PMFBP1: variants seen among roughly 807,000 people sequenced by gnomAD.
PMFBP1 encodes polyamine modulated factor 1 binding protein 1, also known as polyamine-modulated factor 1-binding protein 1.
In PMFBP1, 131 loss-of-function variants were observed where a neutral mutation model predicts 137.8. The ratio of observed to expected loss-of-function variants is 0.95; its 90% CI spans 0.82 to 1.10. PMFBP1 has a LOEUF of 1.10. PMFBP1 is among the 50% of genes least tolerant of loss of function. The pLI is 0.00. For missense variants in PMFBP1, 1,199 were observed against 1,175.4 expected (o/e 1.02, Z -0.29); for synonymous variants, 490 against 450.4 (o/e 1.09, Z -1.11).
chr16:72,160,644 T>C (rs1165214651), intron 3 of PMFBP1, among the ~76,000 whole-genome samples: 1 of 152,160 alleles, frequency 6.6e-6, no homozygotes, highest in Non-Finnish European at 1.5e-5. Flanking sequence ...TTTTTCTTTA[T>C]TGAGAAACTT....
At chr16:72,123,398 A>G (rs1287566767) in intron 18 of PMFBP1, 148 bp downstream of exon 18, 3 of 680,128 alleles carry the variant, frequency 4.4e-6, no homozygotes, top group Non-Finnish European at 7.3e-6. Flanking sequence ...CCTCCTCTCC[A>G]TCTTATTTCC....
chr16:72,199,055 G>A, the PMFBP1 span, among the ~76,000 whole-genome samples: 4 of 152,154 alleles, frequency 2.6e-5, no homozygotes, highest in East Asian at 1.9e-4. Flanking sequence ...GTGCTCTTGC[G>A]CTGCCTAGGG....
chr16:72,210,243 A>G, the PMFBP1 span, among the ~76,000 whole-genome samples: 1 of 152,198 alleles, frequency 6.6e-6, no homozygotes, highest in Middle Eastern at 3.2e-3. Flanking sequence ...CTTGTTTGAT[A>G]AAGGAGAAAG....
chr16:72,218,532 C>G, the PMFBP1 span, among the ~76,000 whole-genome samples: 1 of 152,120 alleles, frequency 6.6e-6, no homozygotes, highest in Non-Finnish European at 1.5e-5. Flanking sequence ...CCACCTGCCT[C>G]GGCCTCCCAA....
At chr16:72,204,806 GTGA>G in the PMFBP1 span, among the ~76,000 whole-genome samples, 1 of 152,198 alleles carries the variant, frequency 6.6e-6, no homozygotes, top group Non-Finnish European at 1.5e-5. Context: ...AAAACTTTCT[GTGA>G]TGATGAAGAT....
chr16:72,153,961 C>CA, intron 4 of PMFBP1, among the ~76,000 whole-genome samples: 1 of 131,732 alleles, frequency 7.6e-6, no homozygotes, highest in Non-Finnish European at 1.6e-5. Context: ...CACACACACA[C>CA]ATGCCTGCAC....
At chr16:72,241,409 AC>A in the PMFBP1 span, among the ~76,000 whole-genome samples, 2 of 152,208 alleles carry the variant, frequency 1.3e-5, no homozygotes, top group Non-Finnish European at 2.9e-5. Flanking sequence ...TCCTTCAGCT[AC>A]CCTACTATTT....
At chr16:72,242,156 C>T in the PMFBP1 span, among the ~76,000 whole-genome samples, 1 of 152,162 alleles carries the variant, frequency 6.6e-6, no homozygotes, top group South Asian at 2.1e-4. Flanking sequence ...CCTTGATTAT[C>T]AGACATTAAA....
At chr16:72,207,442 T>C in the PMFBP1 span, among the ~76,000 whole-genome samples, 1 of 152,004 alleles carries the variant, frequency 6.6e-6, no homozygotes, top group Non-Finnish European at 1.5e-5. Flanking sequence ...TTAGGAGAGA[T>C]AGGGGCACTA....
At position 72,126,148 on chromosome 16, in the gene PMFBP1, G is replaced by T. The variant is rs754604433; in HGVS notation, c.2089-16C>A. The T allele has an allele frequency of 6.2e-7, 1 of 1,612,922 alleles. No individual in the cohort carries two copies. The highest frequency in any genetic ancestry group is 8.5e-7 in the Non-Finnish European group (1 of 1,179,512). ...GAAGGGCTATCTTTAAGGAGGGAGA[G>T]CAGAACTGTCAGGGTGCCAGGTCAG... On this transcript the variant is annotated splice_polypyrimidine_tract_variant and intron_variant, in intron 14 of 20. Coordinates refer to ENST00000237353, the MANE Select transcript of PMFBP1 (RefSeq NM_031293.3).
At position 72,124,735 on chromosome 16, in the gene PMFBP1, G is replaced by C. The variant is rs377379821; in HGVS notation, c.2589+32C>G. 3.7e-6 allele frequency: 6 copies of C among 1,603,568 alleles called. No homozygotes were observed. The African/African-American group carries it at 5.3e-5, about 14-fold the overall frequency. ...CATAGGATGTGCCTGGAGGCACTGAGAGGAGGCACGCAGAAGCCAAGGCAT... is the reference window on the plus strand; with the variant it reads ...CATAGGATGTGCCTGGAGGCACTGACAGGAGGCACGCAGAAGCCAAGGCAT... On this transcript the variant is annotated intron_variant, in intron 17 of 20. Coordinates refer to ENST00000237353, the MANE Select transcript of PMFBP1 (RefSeq NM_031293.3).
chr16:72,142,410 A>G (rs968549819), intron 5 of PMFBP1, among the ~76,000 whole-genome samples: 1 of 152,224 alleles, frequency 6.6e-6, no homozygotes, highest in African/African-American at 2.4e-5. Flanking sequence ...TTAACACCCC[A>G]AGCCTAAAAA....
chr16:72,148,138 A>G (rs1424830794), intron 5 of PMFBP1, among the ~76,000 whole-genome samples: 3 of 152,180 alleles, frequency 2.0e-5, no homozygotes. Flanking sequence ...CCAGCAGTGT[A>G]GGCCGGATAA....
the PMFBP1 span, among the ~76,000 whole-genome samples, chr16:72,226,196 T>A: frequency 6.6e-6 from 1 of 152,202 alleles, no homozygotes; most frequent in African/African-American, 2.4e-5. Flanking sequence ...AGTGTCTGAG[T>A]ATTCCTCTGG....
intron 19 of PMFBP1, among the ~76,000 whole-genome samples, 196 bp downstream of exon 19, chr16:72,122,718 G>A (rs1320380593): frequency 1.3e-5 from 2 of 152,182 alleles, no homozygotes; most frequent in Admixed American, 1.3e-4. Context: ...TTTTTGGTGA[G>A]AGAACTAAGG....
chr16:72,185,166 G>A, the PMFBP1 span, among the ~76,000 whole-genome samples: 3 of 152,064 alleles, frequency 2.0e-5, no homozygotes, highest in African/African-American at 4.8e-5. Context: ...TGGGATTATG[G>A]CTGTGCACCA....
chr16:72,154,615 T>C (rs543010594), intron 3 of PMFBP1, among the ~76,000 whole-genome samples, 156 bp from the exon 4 acceptor site: 9 of 152,256 alleles, frequency 5.9e-5, no homozygotes, highest in African/African-American at 2.2e-4. Context: ...TTTCACTCTA[T>C]TCACAAGGAA....
Position 72,119,863 on chromosome 16 carries a change from G to A in PMFBP1, c.2995C>T (p.Pro999Ser). ...RMDLTKYIGM[P>S]HCPGSSYC ...ATGGCAGACGTACCCGGGCAGTGGG[G>A]CATCCCGATGTACTTGGTGAGGTCC... Residue 999 changes from proline (P) to serine (S), a missense_variant, in exon 20 of 21, where the codon CCC (proline) becomes TCC (serine). Physicochemically the swap from Pro to Ser is moderately conservative, Grantham distance 74. Coordinates refer to ENST00000237353, the MANE Select transcript of PMFBP1 (RefSeq NM_031293.3). The A allele has an allele frequency of 6.2e-7, 1 of 1,613,970 alleles. No individual in the cohort carries two copies. The highest frequency in any genetic ancestry group is 1.1e-5 in the South Asian group (1 of 91,012).
upstream of PMFBP1, among the ~76,000 whole-genome samples, chr16:72,179,304 C>T (rs1238956166): frequency 6.6e-6 from 1 of 152,202 alleles, no homozygotes; most frequent in African/African-American, 2.4e-5. Context: ...ATGGGAAACA[C>T]AAGACACTGA....
Sources: allele counts gnomAD v4.1 joint callset (sites outside exome capture counted in the v4.1 genomes callset), GRCh38; gene constraint gnomAD v4.1.1; transcripts MANE v1.5; gene names NCBI Gene and HGNC (gene_info 2026-07-23, HGNC 2026-07-21).